NLGN1: variants seen among roughly 807,000 people sequenced by gnomAD.
NLGN1 encodes neuroligin-1.
In NLGN1, 12 loss-of-function variants were observed where a neutral mutation model predicts 65.5. That is an observed-to-expected ratio of 0.18 (90% CI 0.12 to 0.30). The LOEUF is 0.30. NLGN1 is among the 10% of genes least tolerant of loss of function. The pLI is 1.00. For missense variants in NLGN1, 750 were observed against 1,007.1 expected (o/e 0.74, Z 3.46); for synonymous variants, 350 against 359.5 (o/e 0.97, Z 0.30).
intron 2 of NLGN1, among the ~76,000 whole-genome samples, chr3:173,504,471 A>G (rs1936015479): frequency 6.6e-6 from 1 of 152,074 alleles, no homozygotes; most frequent in South Asian, 2.1e-4. Flanking sequence ...TCTAACCTAA[A>G]AAGAGGAAAA....
At chr3:174,079,381 T>C (rs550810355) in intron 4 of NLGN1, among the ~76,000 whole-genome samples, 2 of 151,872 alleles carry the variant, frequency 1.3e-5, no homozygotes, top group Non-Finnish European at 2.9e-5. Flanking sequence ...AATTTAAAAG[T>C]CAAAAACAAC....
intron 4 of NLGN1, among the ~76,000 whole-genome samples, chr3:174,106,177 A>C (rs1713746978): frequency 6.6e-6 from 1 of 152,146 alleles, no homozygotes; most frequent in African/African-American, 2.4e-5. Flanking sequence ...TTATGTTAGA[A>C]TCTAGAGCTC....
chr3:174,147,419 C>CTTTTTTTTTTTTTTTTTTTTTTTTT (rs574298501), intron 4 of NLGN1, among the ~76,000 whole-genome samples: 1 of 36,252 alleles, frequency 2.8e-5, no homozygotes, highest in African/African-American at 9.0e-5. Flanking sequence ...TGGCTCATGG[C>CTTTTTTTTTTTTTTTTTTTTTTTTT]TTTTTTTTTT....
chr3:174,131,471 A>T (rs550300961), intron 4 of NLGN1, among the ~76,000 whole-genome samples: 38 of 152,288 alleles, frequency 2.5e-4, no homozygotes, highest in African/African-American at 6.5e-4. Flanking sequence ...TGGTGGCCAC[A>T]AAGTTTTTTC....
At chr3:173,466,017 A>T (rs1243535473) in intron 2 of NLGN1, among the ~76,000 whole-genome samples, 1 of 152,256 alleles carries the variant, frequency 6.6e-6, no homozygotes, top group Non-Finnish European at 1.5e-5. Flanking sequence ...TGGAAAGACA[A>T]CAATTATAAA....
At chr3:174,036,714 A>C (rs1287784595) in intron 4 of NLGN1, among the ~76,000 whole-genome samples, 3 of 151,508 alleles carry the variant, frequency 2.0e-5, no homozygotes. Context: ...TATTAAGCCT[A>C]GTCCCCATTA....
intron 4 of NLGN1, among the ~76,000 whole-genome samples, chr3:174,235,552 T>C (rs555850756): frequency 6.6e-6 from 1 of 152,286 alleles, no homozygotes; most frequent in African/African-American, 2.4e-5. Context: ...GGCAGACGCA[T>C]CTTACATTTA....
chr3:174,052,596 T>C (rs568226844), intron 4 of NLGN1, among the ~76,000 whole-genome samples: 1 of 152,152 alleles, frequency 6.6e-6, no homozygotes, highest in East Asian at 1.9e-4. Context: ...GCAATAAAAA[T>C]CAGCTGGAAC....
intron 3 of NLGN1, among the ~76,000 whole-genome samples, chr3:173,690,036 T>C (rs1028501811): frequency 1.3e-5 from 2 of 152,156 alleles, no homozygotes; most frequent in African/African-American, 4.8e-5. Context: ...CTTTTGTTTA[T>C]ATTTGAAGAA....
chr3:173,705,464 T>A (rs1767907051), intron 3 of NLGN1, among the ~76,000 whole-genome samples: 2 of 152,172 alleles, frequency 1.3e-5, no homozygotes, highest in African/African-American at 4.8e-5. Flanking sequence ...GGGTAATAGA[T>A]GTTAGACAGG....
intron 2 of NLGN1, among the ~76,000 whole-genome samples, chr3:173,464,318 A>G (rs6809245): frequency 0.48 from 72,811 of 152,072 alleles, 19,856 homozygotes; most frequent in East Asian, 0.84. Flanking sequence ...CCCAAAAACT[A>G]TGCTGGTAGA....
intron 4 of NLGN1, among the ~76,000 whole-genome samples, chr3:174,104,028 T>C (rs1329550280): frequency 6.6e-6 from 1 of 152,092 alleles, no homozygotes; most frequent in African/African-American, 2.4e-5. Context: ...CATAGAGTAA[T>C]GATATTTTAC....
chr3:173,399,753 G>T (rs1178949884), intron 1 of NLGN1: 1 of 152,124 alleles, frequency 6.6e-6, no homozygotes, highest in African/African-American at 2.4e-5. Context: ...TAAACTAGCT[G>T]TTTCTGGTTT....
At chr3:174,045,710 TC>T in intron 4 of NLGN1, among the ~76,000 whole-genome samples, 1 of 152,318 alleles carries the variant, frequency 6.6e-6, no homozygotes, top group South Asian at 2.1e-4. Flanking sequence ...CCAGTATTCC[TC>T]TAAATGGTAG....
intron 4 of NLGN1, among the ~76,000 whole-genome samples, chr3:174,146,860 G>C (rs1297970421): frequency 6.6e-6 from 1 of 152,002 alleles, no homozygotes; most frequent in Non-Finnish European, 1.5e-5. Context: ...GAGCCACTGC[G>C]CCGGGCTGAC....
chr3:174,197,947 T>A (rs1733777991), intron 4 of NLGN1, among the ~76,000 whole-genome samples: 1 of 152,152 alleles, frequency 6.6e-6, no homozygotes, highest in African/African-American at 2.4e-5. Context: ...GATGTTATTC[T>A]TTTTGTCTTT....
chr3:174,029,495 C>T (rs1729502691), intron 4 of NLGN1, among the ~76,000 whole-genome samples: 1 of 152,268 alleles, frequency 6.6e-6, no homozygotes, highest in South Asian at 2.1e-4. Flanking sequence ...AACTAACTTG[C>T]TTTTGATTTT....
At chr3:173,544,465 G>C (rs1424362247) in intron 2 of NLGN1, among the ~76,000 whole-genome samples, 1 of 152,048 alleles carries the variant, frequency 6.6e-6, no homozygotes, top group Non-Finnish European at 1.5e-5. Context: ...TGGGGAAAAG[G>C]ACTCAATAAG....
intron 3 of NLGN1, among the ~76,000 whole-genome samples, chr3:173,673,424 A>G (rs1380645821): frequency 3.3e-5 from 5 of 152,200 alleles, no homozygotes; most frequent in Non-Finnish European, 1.5e-5. Context: ...ATTAGAGTAT[A>G]CATTAAAAGG....
Sources: gnomAD v4.1 joint callset for allele counts (sites outside exome capture counted in the v4.1 genomes callset) on GRCh38, gnomAD v4.1.1 for gene constraint, MANE v1.5 for transcripts, NCBI Gene and HGNC (gene_info 2026-07-23, HGNC 2026-07-21) for gene names.